The following OR3A2 variants were observed in gnomAD, a reference collection of about 807,000 sequenced individuals.
The protein encoded by OR3A2 is olfactory receptor family 3 subfamily A member 2, also known as olfactory receptor 3A2.
For synonymous variants in OR3A2, 126 were observed against 159.3 expected (o/e 0.79, Z 1.57); for missense variants, 318 against 392.8 (o/e 0.81, Z 1.61).
intron 3 of OR3A2, chr17:3,292,403 G>T: frequency 3.1e-6 from 5 of 1,614,044 alleles, no homozygotes; most frequent in Non-Finnish European, 4.2e-6. Flanking sequence ...AGTACATGGG[G>T]GTGTGGAGTT....
chr17:3,303,958 G>A (rs1052342071), intron 3 of OR3A2, among the ~76,000 whole-genome samples: 29 of 127,304 alleles, frequency 2.3e-4, no homozygotes, highest in African/African-American at 9.7e-4. Context: ...TAGAAGTTTT[G>A]GTACTAATAT....
At chr17:3,322,365 AT>A (rs2049131731) in intron 3 of OR3A2, among the ~76,000 whole-genome samples, 1 of 151,590 alleles carries the variant, frequency 6.6e-6, no homozygotes, top group Non-Finnish European at 1.5e-5. Context: ...TTGTGTCTCT[AT>A]TTCCTTCAGT....
intron 2 of OR3A2, among the ~76,000 whole-genome samples, chr17:3,348,619 C>T (rs1289125856): frequency 3.3e-5 from 5 of 152,042 alleles, no homozygotes; most frequent in Non-Finnish European, 7.4e-5. Context: ...GGATATTATC[C>T]AGGAGAACTT....
rs1410148569 is a variant in OR3A2 at position 3,383,978 on chromosome 17, G to C, written c.-274-79C>G. 19 of 42,536 alleles carry C rather than the reference G, an allele frequency of 4.5e-4. 1 individual carries two copies. Among genetic ancestry groups the C allele is most frequent in the South Asian group, 2.6e-3 (2 of 776 alleles). The allele number at this position is 42,536 out of a possible 1,614,324, so 2.6% of individuals were successfully genotyped here. A position where few individuals can be genotyped will look rare whatever the true frequency, so the allele number is the denominator to read the frequency against. On this transcript the variant is annotated intron_variant, in intron 1 of 4. Coordinates refer to the OR3A2 transcript ENST00000573491. ...TAAATATTGTATACAAATATTTATT[G>C]AATAAATATTGTATACAATATTTAT...
chr17:3,298,230 A>G (rs542225224), intron 3 of OR3A2: 21 of 152,354 alleles, frequency 1.4e-4, no homozygotes, highest in African/African-American at 4.8e-4. Flanking sequence ...TATGTTTCCA[A>G]GAAGCCTGTC....
intron 3 of OR3A2, among the ~76,000 whole-genome samples, chr17:3,304,956 A>T (rs902062296): frequency 6.6e-6 from 1 of 152,248 alleles, no homozygotes; most frequent in Non-Finnish European, 1.5e-5. Context: ...AGGTAGAATT[A>T]ATCTATGTTG....
chr17:3,306,284 TG>T (rs2048999453), intron 3 of OR3A2, among the ~76,000 whole-genome samples: 1 of 152,160 alleles, frequency 6.6e-6, no homozygotes, highest in Non-Finnish European at 1.5e-5. Flanking sequence ...CCCAAGTAGC[TG>T]GGACTACATG....
chr17:3,277,954 G>A, exon 2 of OR3A2: 4 of 1,574,416 alleles, frequency 2.5e-6, no homozygotes, highest in Non-Finnish European at 3.5e-6. Flanking sequence ...CAGGAAAGGA[G>A]GGACCCCATT....
chr17:3,288,246 C>CAAAAAAAAAAAAAAAAAAAGAAAAA (rs2048833087), upstream of OR3A2, among the ~76,000 whole-genome samples: 1 of 73,484 alleles, frequency 1.4e-5, no homozygotes, highest in Non-Finnish European at 2.8e-5. Flanking sequence ...ACCAAAAGGG[C>CAAAAAAAAAAAAAAAAAAAGAAAAA]AAAAAAAAAA....
chr17:3,371,807 G>A (rs1481583248), intron 2 of OR3A2, among the ~76,000 whole-genome samples: 3 of 137,396 alleles, frequency 2.2e-5, no homozygotes, highest in African/African-American at 8.6e-5. Context: ...GGCCGGGGCG[G>A]CTGGCCGGGC....
chr17:3,346,432 T>C (rs1346527171), intron 2 of OR3A2, among the ~76,000 whole-genome samples: 1 of 152,134 alleles, frequency 6.6e-6, no homozygotes, highest in Non-Finnish European at 1.5e-5. Flanking sequence ...TTCCCTGTTT[T>C]CCAAGAGCCT....
chr17:3,292,173 G>A (rs977427953), intron 3 of OR3A2: 8 of 1,614,196 alleles, frequency 5.0e-6, no homozygotes, highest in Non-Finnish European at 6.8e-6. Context: ...ACTCATGCGG[G>A]TGCTGTAGGT....
chr17:3,350,296 A>G (rs1464601240), intron 2 of OR3A2, among the ~76,000 whole-genome samples: 1 of 151,522 alleles, frequency 6.6e-6, no homozygotes, highest in Non-Finnish European at 1.5e-5. Flanking sequence ...CAAGACTAAT[A>G]AAGAAAAAAA....
intron 3 of OR3A2, among the ~76,000 whole-genome samples, chr17:3,322,966 G>T (rs1041882658): frequency 4.6e-5 from 7 of 152,126 alleles, no homozygotes; most frequent in African/African-American, 1.7e-4. Flanking sequence ...TGTTGACAGT[G>T]GGGTGTTAAA....
chr17:3,375,236 T>TTC (rs761014448), intron 2 of OR3A2, among the ~76,000 whole-genome samples: 3,128 of 72,432 alleles, frequency 0.043, 272 homozygotes, highest in Non-Finnish European at 0.055. Context: ...TTTTCTTTTT[T>TTC]TTTTTTTTTC....
At chr17:3,324,145 C>T (rs980691237) in intron 3 of OR3A2, among the ~76,000 whole-genome samples, 3 of 152,004 alleles carry the variant, frequency 2.0e-5, no homozygotes, top group Non-Finnish European at 2.9e-5. Flanking sequence ...TCCAGTTGAT[C>T]GCATCGGCTA....
At chr17:3,383,766 A>AGC (rs2049757147) in intron 2 of OR3A2, 1 of 152,080 alleles carries the variant, frequency 6.6e-6, no homozygotes, top group Admixed American at 6.6e-5. Context: ...AATGATAGAG[A>AGC]AGCAGCAAAA....
intron 2 of OR3A2, among the ~76,000 whole-genome samples, chr17:3,344,044 C>T (rs1395182293): frequency 2.6e-5 from 4 of 152,132 alleles, no homozygotes; most frequent in African/African-American, 4.8e-5. Flanking sequence ...TGTCATTCAC[C>T]TTGTTTTGAT....
At chr17:3,375,169 T>C (rs1411292344) in intron 2 of OR3A2, among the ~76,000 whole-genome samples, 1 of 98,350 alleles carries the variant, frequency 1.0e-5, no homozygotes, top group African/African-American at 5.6e-5. Context: ...TTTTTTTTTT[T>C]CTTTTTGAGA....
Sources: gnomAD v4.1 joint callset for allele counts (sites outside exome capture counted in the v4.1 genomes callset) on GRCh38, gnomAD v4.1.1 for gene constraint, MANE v1.5 for transcripts, NCBI Gene and HGNC (gene_info 2026-07-23, HGNC 2026-07-21) for gene names.